Variants in STARD13 observed in about 807,000 individuals in gnomAD.
STARD13 encodes the protein StAR related lipid transfer domain containing 13.
Under a neutral mutation model 106.4 loss-of-function variants are expected in STARD13, and 62 were observed. That is an observed-to-expected ratio of 0.58 (90% CI 0.48 to 0.72). STARD13 has a LOEUF of 0.72. STARD13 is among the 30% of genes least tolerant of loss of function. STARD13 has a pLI of 0.00. For synonymous variants in STARD13, 565 were observed against 553.0 expected, an observed-to-expected ratio of 1.02 and a Z score of -0.31; for missense variants, 1,387 against 1,424.0, an observed-to-expected ratio of 0.97 and a Z score of 0.42.
the STARD13 span, among the ~76,000 whole-genome samples, chr13:33,528,346 T>C: frequency 6.7e-6 from 1 of 148,672 alleles, no homozygotes; most frequent in Non-Finnish European, 1.5e-5. Flanking sequence ...CATAGCTCAC[T>C]GCAACCTCAA....
chr13:33,544,210 C>G, the STARD13 span, among the ~76,000 whole-genome samples: 1 of 152,148 alleles, frequency 6.6e-6, no homozygotes, highest in Non-Finnish European at 1.5e-5. Context: ...CAGTCTTTTG[C>G]ATTTCCTCAA....
At chr13:33,113,379 A>G (rs1039997129) in intron 8 of STARD13, among the ~76,000 whole-genome samples, 1 of 151,756 alleles carries the variant, frequency 6.6e-6, no homozygotes, top group Non-Finnish European at 1.5e-5. Flanking sequence ...TGGTTTGAAA[A>G]CCACTGGGTT....
At chr13:33,239,074 G>A (rs1889338850) in intron 1 of STARD13, among the ~76,000 whole-genome samples, 1 of 150,618 alleles carries the variant, frequency 6.6e-6, no homozygotes, top group South Asian at 2.1e-4. Flanking sequence ...TCTACTTTCT[G>A]TGACTATGAG....
the STARD13 span, among the ~76,000 whole-genome samples, chr13:33,488,651 T>C: frequency 6.6e-6 from 1 of 152,232 alleles, no homozygotes; most frequent in Non-Finnish European, 1.5e-5. Context: ...ACCAGACATT[T>C]CCTGATCATA....
chr13:33,342,000 A>T (rs920350300), intron 1 of STARD13, among the ~76,000 whole-genome samples: 5 of 152,180 alleles, frequency 3.3e-5, no homozygotes, highest in South Asian at 2.1e-4. Context: ...CATGTTGGCC[A>T]GGCTGGTCTT....
chr13:33,350,516 C>T (rs2078066060), exon 1 of STARD13: 5 of 1,451,432 alleles, frequency 3.4e-6, no homozygotes, highest in Admixed American at 4.4e-5. Flanking sequence ...GCGGCACTCC[C>T]GCCGGGGTCC....
the STARD13 span, among the ~76,000 whole-genome samples, chr13:33,413,060 A>T: frequency 6.6e-6 from 1 of 152,216 alleles, no homozygotes; most frequent in South Asian, 2.1e-4. Context: ...GAAATAAAAC[A>T]AAATGTTTTC....
the STARD13 span, among the ~76,000 whole-genome samples, chr13:33,538,043 T>C: frequency 6.6e-6 from 1 of 152,106 alleles, no homozygotes; most frequent in South Asian, 2.1e-4. Context: ...TTCTGATGTT[T>C]AGAAACAAAA....
At chr13:33,445,568 G>C in the STARD13 span, among the ~76,000 whole-genome samples, 23 of 151,260 alleles carry the variant, frequency 1.5e-4, no homozygotes, top group African/African-American at 5.6e-4. Context: ...CCTTGTCTTA[G>C]TTTGTTTGCG....
intron 1 of STARD13, among the ~76,000 whole-genome samples, chr13:33,229,306 A>G (rs117378887): frequency 0.026 from 3,908 of 152,334 alleles, 88 homozygotes; most frequent in Non-Finnish European, 0.04. Context: ...GGACACTGAG[A>G]TGACACAGAC....
At chr13:33,265,080 G>T (rs1890832349) in intron 1 of STARD13, among the ~76,000 whole-genome samples, 1 of 152,144 alleles carries the variant, frequency 6.6e-6, no homozygotes, top group Admixed American at 6.5e-5. Flanking sequence ...CTCCGAGGTG[G>T]CTTCTTCCTC....
intron 1 of STARD13, chr13:33,205,773 T>G (rs1009972731): frequency 1.2e-6 from 1 of 852,874 alleles, no homozygotes; most frequent in Non-Finnish European, 1.4e-6. Flanking sequence ...GTAACTGTTG[T>G]CTTTCCCACC....
chr13:33,175,052 A>G (rs1884370578), intron 1 of STARD13, among the ~76,000 whole-genome samples: 1 of 152,214 alleles, frequency 6.6e-6, no homozygotes, highest in South Asian at 2.1e-4. Flanking sequence ...TAGTATTTAA[A>G]AAGAAAAAAA....
intron 2 of STARD13, among the ~76,000 whole-genome samples, chr13:33,166,414 C>T (rs1405970225): frequency 6.6e-6 from 1 of 152,114 alleles, no homozygotes; most frequent in Non-Finnish European, 1.5e-5. Context: ...CACTCTCTTC[C>T]TTGGCCTGTC....
At chr13:33,186,215 G>A (rs1438144028) in intron 1 of STARD13, 4 of 618,330 alleles carry the variant, frequency 6.5e-6, no homozygotes, top group Non-Finnish European at 1.1e-5. Context: ...TTGCATCACA[G>A]CCTTAAAATA....
chr13:33,219,506 G>A lies in STARD13; in HGVS notation c.170-51884C>T, dbSNP rs568059599. Among the ~76,000 whole-genome samples the A allele has an allele frequency of 3.2e-4, 38 of 117,718 alleles. No individual in the cohort carries two copies. The South Asian group carries it at 0.011, about 36-fold the overall frequency. The allele number at this position is 117,718 out of a possible 152,430, so 77.2% of individuals were successfully genotyped here. A position where few individuals can be genotyped will look rare whatever the true frequency, so the allele number is the denominator to read the frequency against. ...TGCACTCCAGCCTGGGCGACAGAGT[G>A]AGACTCCTTCTCAAAAAAAAAAAAA... On this transcript the variant is annotated intron_variant, in intron 1 of 13. Coordinates refer to ENST00000336934, the MANE Select transcript of STARD13 (RefSeq NM_178006.4).
intron 1 of STARD13, among the ~76,000 whole-genome samples, chr13:33,323,928 T>A (rs1025308259): frequency 6.6e-6 from 1 of 152,132 alleles, no homozygotes; most frequent in African/African-American, 2.4e-5. Context: ...GCGCTCCTCT[T>A]GGGGATTTCA....
At chr13:33,420,005 C>A in the STARD13 span, among the ~76,000 whole-genome samples, 3 of 152,290 alleles carry the variant, frequency 2.0e-5, no homozygotes, top group Middle Eastern at 3.4e-3. Context: ...CAAAAACATG[C>A]CAAATGGTAA....
chr13:33,106,039 G>A (rs1873648322), intron 13 of STARD13, among the ~76,000 whole-genome samples: 1 of 152,242 alleles, frequency 6.6e-6, no homozygotes, highest in Non-Finnish European at 1.5e-5. Flanking sequence ...ACTGGGTTTA[G>A]CATCATGAAT....
Sources: gnomAD v4.1 joint callset for allele counts (sites outside exome capture counted in the v4.1 genomes callset) on GRCh38, gnomAD v4.1.1 for gene constraint, MANE v1.5 for transcripts, NCBI Gene and HGNC (gene_info 2026-07-23, HGNC 2026-07-21) for gene names.